Variants in MYO19 observed in about 807,000 individuals in gnomAD.
MYO19 encodes the protein myosin XIX.
A neutral mutation model predicts 129.2 loss-of-function variants in MYO19; 132 were observed. The observed-to-expected ratio is 1.02, with a 90% CI of 0.89 to 1.18. The LOEUF (loss-of-function observed/expected upper bound fraction) is 1.18, where lower values mean the gene tolerates loss of function less well. MYO19 is among the 50% of genes most tolerant of loss of function. The pLI is 0.00. For synonymous variants in MYO19, 531 were observed against 477.2 expected, an observed-to-expected ratio of 1.11 and a Z score of -1.47; for missense variants, 1,210 against 1,216.7, an observed-to-expected ratio of 0.99 and a Z score of 0.08.
intron 17 of MYO19, 27 bp from the exon 18 acceptor site, chr17:36,506,635 T>G (rs1214682845): frequency 6.6e-7 from 1 of 1,513,098 alleles, no homozygotes; most frequent in East Asian, 2.3e-5. Context: ...AGAGCAGCAG[T>G]GAGGGCAGGT....
intron 5 of MYO19, among the ~76,000 whole-genome samples, chr17:36,526,559 C>A (rs2073477728): frequency 6.6e-6 from 1 of 152,220 alleles, no homozygotes; most frequent in East Asian, 1.9e-4. Context: ...TTTTCCAGGG[C>A]AATCCTTATC....
At chr17:36,506,640 G>A (rs775318509) in intron 17 of MYO19, 32 bp from the exon 18 acceptor site, 2 of 1,512,772 alleles carry the variant, frequency 1.3e-6, no homozygotes, top group Admixed American at 4.6e-5. Flanking sequence ...AGCAGTGAGG[G>A]CAGGTGGAGC....
At chr17:36,503,061 G>A (rs1316908352) in intron 21 of MYO19, 36 bp downstream of exon 21, 4 of 1,536,172 alleles carry the variant, frequency 2.6e-6, no homozygotes. Flanking sequence ...AGTAAACTGT[G>A]GTTGCACAAA....
chr17:36,531,425 T>C (rs926157545), intron 3 of MYO19, among the ~76,000 whole-genome samples: 2 of 129,784 alleles, frequency 1.5e-5, no homozygotes, highest in African/African-American at 5.8e-5. Flanking sequence ...AATTGGAAAA[T>C]AGAGATAAGC....
intron 24 of MYO19, 199 bp from the exon 25 acceptor site, chr17:36,498,758 A>G (rs2071232551): frequency 1.6e-6 from 1 of 613,062 alleles, no homozygotes; most frequent in Non-Finnish European, 2.9e-6. Context: ...CTTAGGCCTT[A>G]CATATGCTAC....
At chr17:36,532,490 G>A in intron 3 of MYO19, 37 bp downstream of exon 3, 1 of 1,553,014 alleles carries the variant, frequency 6.4e-7, no homozygotes. Flanking sequence ...TGCTGCAGGT[G>A]CTTGAGGGCC....
intron 21 of MYO19, 163 bp downstream of exon 21, chr17:36,502,934 C>G (rs2071629905): frequency 1.5e-6 from 1 of 646,442 alleles, no homozygotes. Context: ...TTTCCACTTT[C>G]CATGCTATTT....
chr17:36,538,275 G>A (rs763424421), upstream of MYO19: 4 of 1,613,262 alleles, frequency 2.5e-6, no homozygotes, highest in Non-Finnish European at 3.4e-6. Flanking sequence ...ATTACTGGGT[G>A]ATATAATTTT....
chr17:36,518,410 A>G (rs2072896221), intron 6 of MYO19, among the ~76,000 whole-genome samples: 1 of 143,718 alleles, frequency 7.0e-6, no homozygotes, highest in Admixed American at 7.0e-5. Context: ...CAAATGAATC[A>G]CTTGAACCCA....
At chr17:36,501,900 G>A (rs954833346) in intron 21 of MYO19, 5 of 152,556 alleles carry the variant, frequency 3.3e-5, no homozygotes, top group Middle Eastern at 3.4e-3. Flanking sequence ...TGAAGACAGA[G>A]GCTGCCAAAG....
intron 13 of MYO19, 112 bp downstream of exon 13, chr17:36,510,629 CTGTCT>C (rs2072252019): frequency 2.6e-6 from 3 of 1,158,438 alleles, no homozygotes; most frequent in South Asian, 3.1e-5. Context: ...AGGAACCAGT[CTGTCT>C]TATCTCCCAC....
chr17:36,519,934 T>C (rs1372282072), intron 6 of MYO19, among the ~76,000 whole-genome samples: 1 of 152,190 alleles, frequency 6.6e-6, no homozygotes, highest in African/African-American at 2.4e-5. Flanking sequence ...TCAAGATTCC[T>C]ATGGTCATTC....
chr17:36,539,149 CTT>C (rs2074181731), upstream of MYO19: 1 of 166,968 alleles, frequency 6.0e-6, no homozygotes, highest in South Asian at 2.1e-4. Context: ...TTTAAAGAAA[CTT>C]TATAGTTGTG....
chr17:36,544,793 G>A (rs3736165), upstream of MYO19: 45,512 of 152,640 alleles, frequency 0.3, 8,272 homozygotes, highest in Non-Finnish European at 0.41. Flanking sequence ...CGCACCCTCT[G>A]GGCGCAAATT....
intron 20 of MYO19, among the ~76,000 whole-genome samples, chr17:36,503,688 C>G (rs572990977): frequency 3.0e-4 from 45 of 152,382 alleles, no homozygotes; most frequent in African/African-American, 1.1e-3. Flanking sequence ...TGCTTGTCAG[C>G]CCTCCTGAGT....
Position 36,506,436 on chromosome 17 carries a change from C to T in MYO19, c.1797+20G>A, listed in dbSNP as rs751044207. 6.2e-7 allele frequency: 1 copy of T among 1,613,798 alleles called. No homozygotes were observed. Among genetic ancestry groups the T allele is most frequent in the Non-Finnish European group, 8.5e-7 (1 of 1,179,814 alleles). On this transcript the variant is annotated intron_variant, in intron 18 of 25. Coordinates refer to ENST00000614623, the MANE Select transcript of MYO19 (RefSeq NM_001163735.2). Reference sequence around the variant, plus strand: ...CGTGGAGTTTGAACCAAGCACCTCCCATCAGCACATCAGACCCACCTTGAA... The same window carrying T: ...CGTGGAGTTTGAACCAAGCACCTCCTATCAGCACATCAGACCCACCTTGAA...
At chr17:36,508,794 G>A in intron 14 of MYO19, 1 of 484,602 alleles carries the variant, frequency 2.1e-6, no homozygotes, top group East Asian at 3.4e-5. Context: ...ATTAGAGCTG[G>A]GTCTCTGGGG....
intron 12 of MYO19, 67 bp downstream of exon 12, chr17:36,511,298 A>G (rs774952262): frequency 6.6e-7 from 1 of 1,507,128 alleles, no homozygotes; most frequent in Non-Finnish European, 9.0e-7. Flanking sequence ...CCAGCCTTCC[A>G]CCCAACCCCA....
chr17:36,528,194 G>A lies in MYO19; in HGVS notation c.21C>T (p.Gly7=). 6.3e-7 allele frequency: 1 copy of A among 1,580,742 alleles called. No homozygotes were observed. Among genetic ancestry groups the A allele is most frequent in the Non-Finnish European group, 8.6e-7 (1 of 1,162,530 alleles). Residue 7 remains glycine (G), a synonymous_variant, in exon 4 of 26, where the codon GGC becomes GGT. Transcript: ENST00000614623. MLQQVN[G]HNPGSDGQAR... is the part of the protein sequence containing the mutation. ...CTTGGCCATCAGACCCCGGATTGTG[G>A]CCATTGACCTGGAAGAGATAACGTG...
Sources: gnomAD v4.1 joint callset for allele counts (sites outside exome capture counted in the v4.1 genomes callset) on GRCh38, gnomAD v4.1.1 for gene constraint, MANE v1.5 for transcripts, NCBI Gene and HGNC (gene_info 2026-07-23, HGNC 2026-07-21) for gene names.